C3: variants seen among roughly 807,000 people sequenced by gnomAD.
The protein encoded by C3 is C3 and PZP-like alpha-2-macroglobulin domain-containing protein 1.
In C3, 97 loss-of-function variants were observed where a neutral mutation model predicts 207.9. The observed-to-expected ratio is 0.47, with a 90% confidence interval of 0.40 to 0.55. The LOEUF is 0.55. Among genes scored for constraint, C3 ranks in the 20% least tolerant of loss-of-function variants. The probability of loss-of-function intolerance (pLI) is 0.00; values close to 1 mark genes in which losing one functional copy is unlikely to be tolerated. For synonymous variants in C3, 848 were observed against 857.6 expected (o/e 0.99, Z 0.20); for missense variants, 1,684 against 2,171.7 (o/e 0.78, Z 4.46).
chr19:6,708,976 C>T (rs1405195686), intron 14 of C3, among the ~76,000 whole-genome samples: 5 of 152,050 alleles, frequency 3.3e-5, no homozygotes, highest in Non-Finnish European at 5.9e-5. Flanking sequence ...CGTGAGCCAC[C>T]GCACCTGGCC....
intron 6 of C3, 31 bp downstream of exon 6, chr19:6,714,135 A>T (rs750264141): frequency 1.2e-6 from 2 of 1,607,182 alleles, no homozygotes; most frequent in Non-Finnish European, 1.7e-6. Context: ...CGTTCTGGGC[A>T]CTGACTCCCC....
rs150439644 is a variant in C3 at position 6,700,039 on chromosome 19, A to C, written c.2440+2088T>G. Among the ~76,000 whole-genome samples the C allele has an allele frequency of 2.7e-3, 403 of 147,928 alleles. 2 individuals carry two copies. Among genetic ancestry groups the C allele is most frequent in the African/African-American group, 9.1e-3 (372 of 40,700 alleles). ...AATGACATATTAGTAGTAAATTATA[A>C]TTATACATTACAACAAAATTAAATT... On this transcript the variant is annotated intron_variant, in intron 19 of 40. Transcript: ENST00000245907.
intron 19 of C3, among the ~76,000 whole-genome samples, chr19:6,699,264 G>A (rs1336514148): frequency 7.3e-5 from 9 of 122,962 alleles, no homozygotes; most frequent in African/African-American, 2.2e-4. Flanking sequence ...TTGTAGAGAC[G>A]GGGCTTTGCC....
chr19:6,678,803 G>C (rs1364581912), intron 38 of C3, among the ~76,000 whole-genome samples: 1 of 151,992 alleles, frequency 6.6e-6, no homozygotes, highest in Non-Finnish European at 1.5e-5. Context: ...AGTCATATAC[G>C]TAACTTCAGG....
intron 14 of C3, among the ~76,000 whole-genome samples, chr19:6,708,532 C>T (rs2145424297): frequency 6.6e-6 from 1 of 150,536 alleles, no homozygotes; most frequent in East Asian, 2.0e-4. Context: ...TTCCTCCTTC[C>T]TTTGCTCCCC....
intron 12 of C3, 27 bp downstream of exon 12, chr19:6,710,960 G>A: frequency 1.2e-6 from 2 of 1,610,668 alleles, no homozygotes; most frequent in Non-Finnish European, 1.7e-6. Context: ...AGGAGGCGGG[G>A]GCTGAGGTTT....
intron 23 of C3, among the ~76,000 whole-genome samples, chr19:6,695,457 GTTGC>G (rs987980299): frequency 2.0e-5 from 3 of 152,022 alleles, no homozygotes; most frequent in Non-Finnish European, 4.4e-5. Flanking sequence ...CTTGTACTAT[GTTGC>G]TTGTCTTTTT....
chr19:6,678,283 C>A lies in C3; in HGVS notation c.4719G>T (p.Ser1573=), dbSNP rs1390001807. Residue 1573 remains serine, a synonymous_variant, in exon 40 of 41, where the codon TCG becomes TCT. Coordinates refer to ENST00000245907, the MANE Select transcript of C3 (RefSeq NM_000064.4). ...MAIEQTIKSG[S]DEVQVGQQRT... ...GCTGCTGTCCAACCTGCACCTCATC[C>A]GAGCCTGGAGTGGAGGGGAGAGGGA... The A allele has an allele frequency of 6.2e-7, 1 of 1,614,072 alleles. No homozygotes were observed. The highest frequency in any genetic ancestry group is 8.5e-7 in the Non-Finnish European group (1 of 1,180,022).
chr19:6,694,387 C>T, intron 24 of C3, 44 bp downstream of exon 24: 1 of 1,577,896 alleles, frequency 6.3e-7, no homozygotes, highest in Non-Finnish European at 8.7e-7. Context: ...GGGATGCGCT[C>T]GGAAAGGGGT....
chr19:6,709,655 C>T, intron 14 of C3, 29 bp downstream of exon 14: 3 of 1,466,658 alleles, frequency 2.0e-6, no homozygotes, highest in Non-Finnish European at 2.8e-6. Flanking sequence ...TCCGCCTCTT[C>T]TCAGCAGCCT....
intron 31 of C3, 27 bp from the exon 32 acceptor site, chr19:6,684,677 T>C: frequency 1.2e-6 from 2 of 1,605,486 alleles, no homozygotes; most frequent in African/African-American, 1.3e-5. Context: ...GGAGACACAA[T>C]GTCAGCCCAC....
In C3 at chr19:6,709,804, AG is replaced by A; in HGVS notation, c.1724del (p.Pro575LeufsTer7). On this transcript the variant is annotated frameshift_variant, in exon 14 of 41. Coordinates refer to ENST00000245907, the MANE Select transcript of C3 (RefSeq NM_000064.4). LOFTEE classifies it high-confidence loss of function. Reference protein sequence around the residue: ...VKSGQSEDRQPVPGQQMTLKI... With the variant: ...VKSGQSEDRQXVPGQQMTLKI... ...TCAGGGTCATCTGCTGCCCAGGTAC[AG>A]GCTGCCGGTCTTCTGACTGGCCGCT... is the stretch of plus-strand genomic sequence containing the variant. The A allele has an allele frequency of 6.2e-7, 1 of 1,613,938 alleles. No homozygotes were observed. The highest frequency in any genetic ancestry group is 1.1e-5 in the South Asian group (1 of 91,080).
intron 4 of C3, chr19:6,716,734 C>A (rs969533928): frequency 6.6e-6 from 1 of 152,152 alleles, no homozygotes; most frequent in East Asian, 1.9e-4. Flanking sequence ...CAATAGAGGG[C>A]GAGGCGATGG....
At chr19:6,709,611 T>TGGCCCCCCCC in intron 14 of C3, 73 bp downstream of exon 14, 44 of 1,109,336 alleles carry the variant, frequency 4.0e-5, no homozygotes, top group Middle Eastern at 2.0e-4. Context: ...CCCTCTCCAG[T>TGGCCCCCCCC]CCCACCCACC....
rs766197580 is a variant in C3, at chr19:6,694,465, C to T, written c.3120G>A (p.Glu1040=). The change falls in exon 24 of 41, where the codon GAG becomes GAA. Residue 1040 remains glutamate (E), a synonymous_variant. Transcript: ENST00000245907. ...ETEQWEKFGL[E]KRQGALELIK... ...TGAGCTCCAAGGCCCCCTGCCGCTT[C>T]TCTAGGCCGAACTTCTCCCACTGCT... 3.1e-6 allele frequency: 5 copies of T among 1,613,952 alleles called. No homozygotes were observed. Among genetic ancestry groups the T allele is most frequent in the Admixed American group, 3.3e-5 (2 of 60,006 alleles).
chr19:6,707,923 C>T lies in C3; in HGVS notation c.1852G>A (p.Asp618Asn), dbSNP rs1967816893. The T allele has an allele frequency of 6.2e-7, 1 of 1,613,714 alleles. No homozygotes were observed. ...KNKLTQSKIW[D>N]VVEKADIGCT... ...CCGATGTCTGCCTTCTCCACCACGT[C>T]CCAGATCTGCGGGGGGCATAGGGGT... The change falls in exon 15 of 41, where the codon GAC (aspartate) becomes AAC (asparagine). Residue 618 changes from aspartate to asparagine, a missense_variant. This residue lies in a region of C3 where 1,280 missense variants were observed against 1,739.1 expected (regional missense o/e 0.74). Transcript: ENST00000245907.
At chr19:6,717,771 GTGTGTATTGTGT>G in intron 4 of C3, 1 of 503,722 alleles carries the variant, frequency 2.0e-6, no homozygotes, top group East Asian at 3.6e-5. Flanking sequence ...ACGTTGTGCT[GTGTGTATTGTGT>G]TGTGTGTTGT....
Position 6,719,267 on chromosome 19 carries a change from T to A in C3, c.211A>T (p.Ser71Cys). ...GCAGGGGTCAGCACAGTCTTCTCAC[T>A]GGACAGCACTAGTTTTTTGCCTGGG... ...DFPGKKLVLS[S>C]EKTVLTPATN... Residue 71 changes from serine (S) to cysteine (C), a missense_variant, in exon 2 of 41, where the codon AGT (serine) becomes TGT (cysteine). Ser to Cys is a moderately radical substitution (Grantham distance 112). This residue lies in a region of C3 where 1,280 missense variants were observed against 1,739.1 expected (regional missense o/e 0.74). Transcript: ENST00000245907. The surrounding 1 kb of genome is among the most constrained non-coding windows in gnomAD (Gnocchi z 5.4). 6.2e-7 allele frequency: 1 copy of A among 1,614,030 alleles called. No individual in the cohort carries two copies. The highest frequency in any genetic ancestry group is 8.5e-7 in the Non-Finnish European group (1 of 1,179,962).
At chr19:6,707,310 G>A in intron 16 of C3, 37 bp from the exon 17 acceptor site, 1 of 1,601,526 alleles carries the variant, frequency 6.2e-7, no homozygotes, top group Non-Finnish European at 8.5e-7. Flanking sequence ...CACACCCTCA[G>A]CCGGGGGCCG....
Sources: allele counts gnomAD v4.1 joint callset (sites outside exome capture counted in the v4.1 genomes callset), GRCh38; gene constraint gnomAD v4.1.1; regional missense constraint gnomAD v4.1.1; non-coding constraint Gnocchi (gnomAD v3.1); transcripts MANE v1.5; gene names NCBI Gene and HGNC (gene_info 2026-07-23, HGNC 2026-07-21).